Variants in KANSL1 observed in about 807,000 individuals in gnomAD.
KANSL1 encodes the protein KAT8 regulatory NSL complex subunit 1, also known as MLL1/MLL complex subunit KANSL1.
In KANSL1, 22 loss-of-function variants were observed where a neutral mutation model predicts 103.6. The ratio of observed to expected loss-of-function variants is 0.21; its 90% CI spans 0.15 to 0.30. The LOEUF (loss-of-function observed/expected upper bound fraction) is 0.30, where lower values mean the gene tolerates loss of function less well. Ranked by LOEUF, KANSL1 falls within the 10% of genes least tolerant of loss-of-function variation. The pLI is 1.00. For missense variants in KANSL1, 1,337 were observed against 1,399.8 expected (o/e 0.96, Z 0.72); for synonymous variants, 600 against 527.6 (o/e 1.14, Z -1.88).
At chr17:46,200,694 A>G (rs1017450064) in intron 1 of KANSL1, among the ~76,000 whole-genome samples, 11 of 152,264 alleles carry the variant, frequency 7.2e-5, no homozygotes, top group African/African-American at 2.6e-4. Context: ...GCGAGCGGAG[A>G]TCACGCCAGT....
intron 7 of KANSL1, among the ~76,000 whole-genome samples, chr17:46,046,609 G>T (rs893410704): frequency 1.4e-5 from 2 of 147,238 alleles, no homozygotes; most frequent in Non-Finnish European, 3.0e-5. Flanking sequence ...AGGCCAAGAC[G>T]GGTGGATCAC....
chr17:46,143,841 T>G (rs2044557341), intron 2 of KANSL1, among the ~76,000 whole-genome samples: 1 of 149,788 alleles, frequency 6.7e-6, no homozygotes, highest in Admixed American at 6.7e-5. Context: ...AGTTGTTATC[T>G]TCCCAGTAGA....
At chr17:46,103,652 CTGTCCT>C (rs1191140245) in intron 2 of KANSL1, among the ~76,000 whole-genome samples, 1 of 152,200 alleles carries the variant, frequency 6.6e-6, no homozygotes, top group Non-Finnish European at 1.5e-5. Flanking sequence ...ACAGCACTAT[CTGTCCT>C]TTAGAATTTC....
chr17:46,051,753 A>G (rs2077718186), intron 6 of KANSL1, among the ~76,000 whole-genome samples: 1 of 152,252 alleles, frequency 6.6e-6, no homozygotes, highest in Non-Finnish European at 1.5e-5. Flanking sequence ...TCTACTAGCA[A>G]AAACTCTAAC....
intron 4 of KANSL1, among the ~76,000 whole-genome samples, chr17:46,076,813 T>G (rs2078792681): frequency 6.6e-6 from 1 of 152,192 alleles, no homozygotes; most frequent in Non-Finnish European, 1.5e-5. Flanking sequence ...CAAATGGAAC[T>G]GTTTCTCCGG....
intron 4 of KANSL1, among the ~76,000 whole-genome samples, chr17:46,070,846 G>A (rs2078550285): frequency 6.6e-6 from 1 of 152,012 alleles, no homozygotes; most frequent in Non-Finnish European, 1.5e-5. Flanking sequence ...TTAAGTAACG[G>A]GTTGACTGAC....
rs186217454 is a variant in KANSL1 at position 46,208,946 on chromosome 17, G to A, written c.-90+14725C>T. 6.6e-5 allele frequency among the ~76,000 whole-genome samples: 10 copies of A among 152,264 alleles called. No homozygotes were observed. In the East Asian group the frequency reaches 1.3e-3, roughly 21 times the overall value. On this transcript the variant is annotated intron_variant, in intron 1 of 14. Transcript: ENST00000572904. ...AGCACTTTGGGAGGCCGAGTGGGGCGGATCATTTGAGGTCAGGAGTTCGAG... is the reference window on the plus strand; with the variant it reads ...AGCACTTTGGGAGGCCGAGTGGGGCAGATCATTTGAGGTCAGGAGTTCGAG...
At chr17:46,133,779 T>C (rs575158089) in intron 2 of KANSL1, among the ~76,000 whole-genome samples, 1 of 152,280 alleles carries the variant, frequency 6.6e-6, no homozygotes, top group African/African-American at 2.4e-5. Context: ...ACCAAAGAAA[T>C]GATATGATAC....
chr17:46,167,769 T>C (rs1397832741), intron 2 of KANSL1, among the ~76,000 whole-genome samples: 1 of 152,252 alleles, frequency 6.6e-6, no homozygotes. Flanking sequence ...TTGCTAAACA[T>C]TCAACAACAT....
intron 2 of KANSL1, among the ~76,000 whole-genome samples, chr17:46,142,008 C>T (rs4792833): frequency 6.6e-6 from 1 of 152,288 alleles, no homozygotes; most frequent in South Asian, 2.1e-4. Flanking sequence ...CCAGCCTCAG[C>T]CTCCCGAGCA....
At chr17:46,181,396 A>G (rs979152445) in intron 1 of KANSL1, among the ~76,000 whole-genome samples, 9 of 151,264 alleles carry the variant, frequency 5.9e-5, no homozygotes, top group Admixed American at 1.3e-4. Context: ...TTACCTTTTT[A>G]TCATCTCACT....
rs538300783 is a variant in KANSL1, at chr17:46,097,795, T to C, written c.1290-3094A>G. Among the ~76,000 whole-genome samples the C allele has an allele frequency of 7.3e-5, 11 of 151,698 alleles. No homozygotes were observed. In the South Asian group the frequency reaches 2.1e-3, roughly 29 times the overall value. On this transcript the variant is annotated intron_variant, in intron 2 of 14. Coordinates refer to ENST00000432791, the MANE Select transcript of KANSL1 (RefSeq NM_015443.4). ...AGGTGAACTTGAACACAGTCTCCCATAGGGGCAAAATACAAAATGTCAAAA... is the reference window on the plus strand; with the variant it reads ...AGGTGAACTTGAACACAGTCTCCCACAGGGGCAAAATACAAAATGTCAAAA...
At chr17:46,128,607 G>T (rs962365179) in intron 2 of KANSL1, among the ~76,000 whole-genome samples, 1 of 152,248 alleles carries the variant, frequency 6.6e-6, no homozygotes, top group Non-Finnish European at 1.5e-5. Flanking sequence ...CCTGAACAGG[G>T]TGAAGAACAG....
chr17:46,191,556 G>A (rs1218295390), intron 1 of KANSL1, among the ~76,000 whole-genome samples: 1 of 152,206 alleles, frequency 6.6e-6, no homozygotes, highest in African/African-American at 2.4e-5. Context: ...ATACTTGAAA[G>A]GACTTTCAAA....
At chr17:46,067,375 T>C (rs1001436694) in intron 5 of KANSL1, among the ~76,000 whole-genome samples, 174 bp downstream of exon 5, 1 of 152,192 alleles carries the variant, frequency 6.6e-6, no homozygotes, top group Non-Finnish European at 1.5e-5. Flanking sequence ...AAAAGGAAAA[T>C]ATACAATTAA....
At chr17:46,203,911 T>C (rs1266699738) in intron 1 of KANSL1, among the ~76,000 whole-genome samples, 1 of 152,190 alleles carries the variant, frequency 6.6e-6, no homozygotes, top group Non-Finnish European at 1.5e-5. Flanking sequence ...TGTGGTGGCA[T>C]GTGCCTGTAA....
chr17:46,058,729 ACACACACACACACACTCTCTCTCT>A (rs2078020618), intron 6 of KANSL1, among the ~76,000 whole-genome samples: 1 of 73,330 alleles, frequency 1.4e-5, no homozygotes, highest in East Asian at 2.6e-4. Flanking sequence ...ACACACACAC[ACACACACACACACACTCTCTCTCT>A]CTCTCTCTCT....
At chr17:46,194,553 A>C (rs190377612), upstream of KANSL1, among the ~76,000 whole-genome samples, 1 of 152,260 alleles carries the variant, frequency 6.6e-6, no homozygotes, top group Admixed American at 6.5e-5. Context: ...ACAAAGTGTA[A>C]TTCTACCACC....
chr17:46,079,554 T>C (rs906093560), intron 4 of KANSL1, among the ~76,000 whole-genome samples: 1 of 152,250 alleles, frequency 6.6e-6, no homozygotes, highest in African/African-American at 2.4e-5. Context: ...TATAGGATAT[T>C]AATAACTTTT....
Sources: allele counts gnomAD v4.1 joint callset (sites outside exome capture counted in the v4.1 genomes callset), GRCh38; gene constraint gnomAD v4.1.1; transcripts MANE v1.5; gene names NCBI Gene and HGNC (gene_info 2026-07-23, HGNC 2026-07-21).